The following THRB variants were observed in gnomAD, a reference collection of about 807,000 sequenced individuals.
THRB encodes the protein thyroid hormone receptor beta, also known as nuclear receptor subfamily 1 group A member 2.
In THRB, 12 loss-of-function variants were observed where a neutral mutation model predicts 47.8. The observed-to-expected ratio is 0.25, with a 90% CI of 0.16 to 0.41. The LOEUF (loss-of-function observed/expected upper bound fraction) is 0.41. Among genes scored for constraint, THRB ranks in the 10% least tolerant of loss-of-function variants. The pLI is 1.00. For missense variants in THRB, 348 were observed against 589.2 expected, an observed-to-expected ratio of 0.59 and a Z score of 4.24; for synonymous variants, 218 against 212.2, an observed-to-expected ratio of 1.03 and a Z score of -0.24.
At chr3:24,297,135 G>A (rs1002556657) in intron 3 of THRB, 91 bp downstream of exon 3, 2 of 152,224 alleles carry the variant, frequency 1.3e-5, no homozygotes, top group Non-Finnish European at 2.9e-5. Flanking sequence ...AATAAGAAGT[G>A]TAAGTGATGA....
At chr3:24,455,281 T>C (rs1181013747) in intron 1 of THRB, 1 of 152,038 alleles carries the variant, frequency 6.6e-6, no homozygotes, top group Admixed American at 6.6e-5. Context: ...TTGAATTTGA[T>C]TTTGAATTCT....
At chr3:24,156,538 C>T (rs1254145210) in intron 5 of THRB, among the ~76,000 whole-genome samples, 3 of 152,116 alleles carry the variant, frequency 2.0e-5, no homozygotes, top group African/African-American at 7.2e-5. Flanking sequence ...TGTATAAGAC[C>T]ACTTGCCTAG....
intron 2 of THRB, chr3:24,318,232 A>T (rs1363553963): frequency 3.3e-5 from 5 of 152,184 alleles, no homozygotes; most frequent in Non-Finnish European, 7.3e-5. Context: ...AATATATTTC[A>T]CTTAAGTACA....
intron 5 of THRB, among the ~76,000 whole-genome samples, chr3:24,154,863 A>G (rs1271366156): frequency 2.6e-5 from 4 of 152,208 alleles, no homozygotes; most frequent in Non-Finnish European, 5.9e-5. Flanking sequence ...TGGAATGCAG[A>G]GATAAGGGAA....
intron 5 of THRB, among the ~76,000 whole-genome samples, chr3:24,166,706 T>G (rs936435458): frequency 2.6e-5 from 4 of 152,180 alleles, no homozygotes; most frequent in Admixed American, 1.3e-4. Flanking sequence ...GCAGCTTGTT[T>G]TCAGGGCTCG....
chr3:24,417,132 A>ACG (rs1284620223), intron 1 of THRB, among the ~76,000 whole-genome samples: 66 of 40,216 alleles, frequency 1.6e-3, no homozygotes, highest in Admixed American at 7.6e-3. Flanking sequence ...ACACACACAC[A>ACG]CACACACGCG....
chr3:24,313,263 A>G (rs1318285590), intron 2 of THRB, among the ~76,000 whole-genome samples: 2 of 152,258 alleles, frequency 1.3e-5, no homozygotes, highest in South Asian at 2.1e-4. Flanking sequence ...CATTGTCTGC[A>G]CCACTCATCT....
At chr3:24,483,393 T>C (rs1481816471) in intron 1 of THRB, among the ~76,000 whole-genome samples, 1 of 152,124 alleles carries the variant, frequency 6.6e-6, no homozygotes, top group Admixed American at 6.5e-5. Flanking sequence ...CTAAAACTGT[T>C]ATAAAATTAT....
At chr3:24,307,856 G>C (rs917119929) in intron 2 of THRB, among the ~76,000 whole-genome samples, 5 of 152,152 alleles carry the variant, frequency 3.3e-5, no homozygotes, top group African/African-American at 1.2e-4. Flanking sequence ...AAGTATAAAA[G>C]GTTGCCTCCA....
At position 24,213,210 on chromosome 3, in the gene THRB, C is replaced by T. The variant is rs1414568079; in HGVS notation, c.22+15728G>A. ...GCCAAGCTGTCCCAGGTCCAGGAGC[C>T]TCATACTGTAGCCAGTTTAGGTTTT... On this transcript the variant is annotated intron_variant, in intron 4 of 10. Transcript: ENST00000646209. Among the ~76,000 whole-genome samples the T allele has an allele frequency of 3.3e-5, 5 of 152,274 alleles. No individual in the cohort carries two copies. The East Asian group carries it at 5.8e-4, about 18-fold the overall frequency.
At chr3:24,316,154 C>T (rs1437988066) in intron 2 of THRB, among the ~76,000 whole-genome samples, 3 of 152,090 alleles carry the variant, frequency 2.0e-5, no homozygotes, top group African/African-American at 7.2e-5. Context: ...TAAATGAAGT[C>T]TTACATAAAC....
intron 4 of THRB, among the ~76,000 whole-genome samples, chr3:24,191,265 T>C (rs980380035): frequency 1.4e-5 from 2 of 147,106 alleles, no homozygotes; most frequent in East Asian, 2.0e-4. Flanking sequence ...TATATATATA[T>C]ACATATTTGT....
intron 1 of THRB, among the ~76,000 whole-genome samples, chr3:24,455,987 T>G (rs1276648955): frequency 6.6e-6 from 1 of 152,114 alleles, no homozygotes; most frequent in Non-Finnish European, 1.5e-5. Context: ...TCTCACATAA[T>G]CCAGTAAAAA....
intron 1 of THRB, among the ~76,000 whole-genome samples, chr3:24,389,320 A>G (rs1479636719): frequency 6.6e-6 from 1 of 152,198 alleles, no homozygotes; most frequent in Non-Finnish European, 1.5e-5. Context: ...AAATGGCTTA[A>G]GTAATTGCTG....
intron 1 of THRB, among the ~76,000 whole-genome samples, chr3:24,363,825 G>A (rs1486005957): frequency 6.6e-6 from 1 of 151,986 alleles, no homozygotes; most frequent in Admixed American, 6.6e-5. Context: ...TTCGGCTCGT[G>A]GCAAAATCTA....
chr3:24,262,399 A>G (rs915653288), intron 3 of THRB, among the ~76,000 whole-genome samples: 38 of 152,212 alleles, frequency 2.5e-4, no homozygotes, highest in Admixed American at 2.0e-3. Flanking sequence ...AGGGCAAATT[A>G]TATGTCAGTT....
At chr3:24,258,122 G>C (rs987214147) in intron 3 of THRB, among the ~76,000 whole-genome samples, 3 of 152,172 alleles carry the variant, frequency 2.0e-5, no homozygotes, top group Non-Finnish European at 4.4e-5. Flanking sequence ...AGGAGAATGA[G>C]GTGAAAGGAA....
At chr3:24,295,310 GA>G (rs2056352013) in intron 3 of THRB, among the ~76,000 whole-genome samples, 1 of 152,216 alleles carries the variant, frequency 6.6e-6, no homozygotes, top group Non-Finnish European at 1.5e-5. Flanking sequence ...GAAGATGCAA[GA>G]AGGTACATTT....
At chr3:24,218,331 TC>T (rs2046805946) in intron 4 of THRB, among the ~76,000 whole-genome samples, 1 of 119,426 alleles carries the variant, frequency 8.4e-6, no homozygotes, top group African/African-American at 3.4e-5. Context: ...TTTGTCTCTC[TC>T]TCTCTCTCTC....
Sources: gnomAD v4.1 joint callset for allele counts (sites outside exome capture counted in the v4.1 genomes callset) on GRCh38, gnomAD v4.1.1 for gene constraint, MANE v1.5 for transcripts, NCBI Gene and HGNC (gene_info 2026-07-23, HGNC 2026-07-21) for gene names.